The following KCNJ1 variants were observed in gnomAD, a reference collection of about 807,000 sequenced individuals.
The protein encoded by KCNJ1 is potassium inwardly rectifying channel subfamily J member 1.
KCNJ1 carries 24 observed loss-of-function variants against 21.9 expected under a neutral mutation model. The ratio of observed to expected loss-of-function variants is 1.10; its 90% CI spans 0.79 to 1.54. KCNJ1 has a LOEUF of 1.54. Among genes scored for constraint, KCNJ1 ranks in the 40% most tolerant of loss-of-function variants. The probability of loss-of-function intolerance (pLI) is 0.00; values close to 1 mark genes in which losing one functional copy is unlikely to be tolerated. For synonymous variants in KCNJ1, 152 were observed against 160.9 expected, an observed-to-expected ratio of 0.94 and a Z score of 0.42; for missense variants, 457 against 455.4, an observed-to-expected ratio of 1.00 and a Z score of -0.03.
intron 1 of KCNJ1, among the ~76,000 whole-genome samples, chr11:128,859,805 G>T (rs1262299483): frequency 2.0e-5 from 3 of 152,316 alleles, no homozygotes; most frequent in Middle Eastern, 3.4e-3. Context: ...CCAGGGAAGT[G>T]GGGGAGCTGG....
intron 2 of KCNJ1, among the ~76,000 whole-genome samples, chr11:128,843,001 TAAAAG>T (rs1166413616): frequency 6.6e-6 from 1 of 152,228 alleles, no homozygotes; most frequent in Non-Finnish European, 1.5e-5. Context: ...GAAACAGACT[TAAAAG>T]AAGTCTTTAT....
rs756682819 is a variant in KCNJ1 at position 128,839,812 on chromosome 11, C to T, written c.432G>A (p.Gln144=). The part of the protein sequence containing the change: ...CATAIFLLIF[Q]SILGVIINSF... ...AATTGATTATAACTCCAAGTATAGACTGAAAGATAAGCAGAAAAATGGCAG... is the reference window on the plus strand; with the variant it reads ...AATTGATTATAACTCCAAGTATAGATTGAAAGATAAGCAGAAAAATGGCAG... Residue 144 remains glutamine (Q), a synonymous_variant, in exon 3 of 3, where the codon CAG becomes CAA. Transcript: ENST00000392666. 48 of 1,613,978 alleles carry T rather than the reference C, an allele frequency of 3.0e-5. 1 individual carries two copies. In the Admixed American group the frequency reaches 8.0e-4, roughly 27 times the overall value.
Position 128,838,537 on chromosome 11 carries a change from A to C in KCNJ1, c.*588T>G, listed in dbSNP as rs1183559116. ...TCTGTCTTGCAGGAAGGTATCATCAAGATTCTAGTGTGCAGATTTAGCCTC... is the reference window on the plus strand; with the variant it reads ...TCTGTCTTGCAGGAAGGTATCATCACGATTCTAGTGTGCAGATTTAGCCTC... On this transcript the variant is annotated 3_prime_UTR_variant, in exon 3 of 3. Coordinates refer to ENST00000392666, the MANE Select transcript of KCNJ1 (RefSeq NM_153766.3). 6.5e-6 allele frequency: 1 copy of C among 154,316 alleles called. No individual in the cohort carries two copies. The highest frequency in any genetic ancestry group is 1.4e-5 in the Non-Finnish European group (1 of 69,614). The allele number at this position is 154,316 out of a possible 1,614,324, so 9.6% of individuals were successfully genotyped here. A position where few individuals can be genotyped will look rare whatever the true frequency, so the allele number is the denominator to read the frequency against.
chr11:128,851,210 C>T (rs150413183), intron 1 of KCNJ1, among the ~76,000 whole-genome samples: 237 of 152,274 alleles, frequency 1.6e-3, no homozygotes, highest in African/African-American at 5.6e-3. Flanking sequence ...TTAAAAAGAA[C>T]ACCACTGCCT....
In KCNJ1 at chr11:128,839,371, G is replaced by A; in HGVS notation, c.873C>T (p.Val291=). 6.2e-7 allele frequency: 1 copy of A among 1,614,190 alleles called. No homozygotes were observed. Among genetic ancestry groups the A allele is most frequent in the Non-Finnish European group, 8.5e-7 (1 of 1,180,026 alleles). Residue 291 remains valine, a synonymous_variant, in exon 3 of 3, where the codon GTC becomes GTT. Transcript: ENST00000392666. ...CCTCCTCTGGGACATAGGATGTCCG[G>A]ACTTGGCAGGTAGCACTGGTGGACT... The part of the protein sequence containing the change: ...TVESTSATCQ[V]RTSYVPEEVL...
At chr11:128,845,813 G>A (rs1438493701) in intron 2 of KCNJ1, among the ~76,000 whole-genome samples, 2 of 152,102 alleles carry the variant, frequency 1.3e-5, no homozygotes, top group Non-Finnish European at 2.9e-5. Context: ...CTACTTTTTT[G>A]TAGGGTGAGC....
At chr11:128,848,220 G>A (rs1420081918) in intron 2 of KCNJ1, among the ~76,000 whole-genome samples, 1 of 151,048 alleles carries the variant, frequency 6.6e-6, no homozygotes, top group African/African-American at 2.4e-5. Context: ...CCCGGGAGGC[G>A]GAGCTTGCAG....
chr11:128,862,350 A>G (rs1032561396), intron 1 of KCNJ1, among the ~76,000 whole-genome samples: 2 of 152,202 alleles, frequency 1.3e-5, no homozygotes, highest in African/African-American at 4.8e-5. Flanking sequence ...AATGGATTCA[A>G]GCAGGACTAG....
chr11:128,839,274 T>G lies in KCNJ1; in HGVS notation c.970A>C (p.Asn324His), dbSNP rs1324182339. The G allele has an allele frequency of 2.5e-6, 4 of 1,614,176 alleles. No individual in the cohort carries two copies. Among genetic ancestry groups the G allele is most frequent in the Non-Finnish European group, 3.4e-6 (4 of 1,180,012 alleles). ...TCCACTTCCACTGTCTTGCTAAAGTTATGGAAATCCACTCGGTATTTCCCT... is the reference window on the plus strand; with the variant it reads ...TCCACTTCCACTGTCTTGCTAAAGTGATGGAAATCCACTCGGTATTTCCCT... ...KEGKYRVDFH[N>H]FSKTVEVETP... Residue 324 changes from asparagine to histidine, a missense_variant, in exon 3 of 3, where the codon AAC becomes CAC. Asn to His is a moderately conservative substitution (Grantham distance 68, BLOSUM62 1). Coordinates refer to ENST00000392666, the MANE Select transcript of KCNJ1 (RefSeq NM_153766.3).
chr11:128,853,225 G>T (rs113580585), intron 1 of KCNJ1, among the ~76,000 whole-genome samples: 1 of 152,210 alleles, frequency 6.6e-6, no homozygotes, highest in African/African-American at 2.4e-5. Flanking sequence ...TGAATAGCAG[G>T]ATTATTCATA....
At chr11:128,843,101 T>C (rs1943316979) in intron 2 of KCNJ1, among the ~76,000 whole-genome samples, 1 of 152,238 alleles carries the variant, frequency 6.6e-6, no homozygotes, top group Non-Finnish European at 1.5e-5. Context: ...TGCTATTGAT[T>C]TATTTGTTCA....
At chr11:128,864,991 C>T (rs959075660) in intron 1 of KCNJ1, among the ~76,000 whole-genome samples, 20 of 152,132 alleles carry the variant, frequency 1.3e-4, no homozygotes, top group African/African-American at 4.6e-4. Flanking sequence ...GCATCACATA[C>T]TAGGTCCTTC....
Position 128,840,279 on chromosome 11 carries a change from A to G in KCNJ1, c.-21-15T>C, listed in dbSNP as rs554108532. 3.2e-5 allele frequency: 51 copies of G among 1,613,628 alleles called. No individual in the cohort carries two copies. Among genetic ancestry groups the G allele is most frequent in the East Asian group, 4.5e-5 (2 of 44,882 alleles). On this transcript the variant is annotated splice_polypyrimidine_tract_variant and intron_variant, in intron 2 of 2. Coordinates refer to ENST00000392666, the MANE Select transcript of KCNJ1 (RefSeq NM_153766.3). ...AACACCCTGATCTGAAAACACATCA[A>G]AGAAAAACAAAAAAGGATTATGTTT... is the stretch of plus-strand genomic sequence containing the variant.
intron 1 of KCNJ1, among the ~76,000 whole-genome samples, chr11:128,859,992 T>G (rs1050228878): frequency 6.6e-6 from 1 of 152,158 alleles, no homozygotes; most frequent in Admixed American, 6.5e-5. Context: ...CACACTCGCC[T>G]CCGCCGGGCC....
intron 2 of KCNJ1, 36 bp from the exon 3 acceptor site, chr11:128,840,300 T>C (rs1380957696): frequency 1.9e-6 from 3 of 1,603,950 alleles, no homozygotes; most frequent in Non-Finnish European, 1.7e-6. Flanking sequence ...AAAAGGATTA[T>C]GTTTATAGCA....
intron 1 of KCNJ1, among the ~76,000 whole-genome samples, chr11:128,859,698 C>A (rs1176603613): frequency 6.6e-6 from 1 of 152,200 alleles, no homozygotes; most frequent in Non-Finnish European, 1.5e-5. Flanking sequence ...CCCTTCCCTG[C>A]GTGCCCTCTC....
chr11:128,839,434 C>T lies in KCNJ1; in HGVS notation c.810G>A (p.Gln270=), dbSNP rs1444358581. Residue 270 remains glutamine (Q), a synonymous_variant, in exon 3 of 3, where the codon CAG becomes CAA. Transcript: ENST00000392666. ...CTAAAAACACCACTAATTCAAAGTC[C>T]TGCTGGAGAAGGGTCTCCGCTGCCA... is the stretch of plus-strand genomic sequence containing the variant. ...FHMAAETLLQ[Q]DFELVVFLDG... 2 of 1,614,054 alleles carry T rather than the reference C, an allele frequency of 1.2e-6. No homozygotes were observed. Among genetic ancestry groups the T allele is most frequent in the African/African-American group, 1.3e-5 (1 of 74,920 alleles).
intron 1 of KCNJ1, among the ~76,000 whole-genome samples, chr11:128,852,637 A>C (rs1943496024): frequency 6.6e-6 from 1 of 152,252 alleles, no homozygotes; most frequent in Admixed American, 6.5e-5. Context: ...GCCCTTCAGC[A>C]AATGCTGGAG....
At chr11:128,863,344 A>T (rs917143674) in intron 1 of KCNJ1, among the ~76,000 whole-genome samples, 1 of 152,230 alleles carries the variant, frequency 6.6e-6, no homozygotes, top group Non-Finnish European at 1.5e-5. Context: ...TATTTCAAGG[A>T]TTATTCAAAA....
Sources: gnomAD v4.1 joint callset for allele counts (sites outside exome capture counted in the v4.1 genomes callset) on GRCh38, gnomAD v4.1.1 for gene constraint, MANE v1.5 for transcripts, NCBI Gene and HGNC (gene_info 2026-07-23, HGNC 2026-07-21) for gene names.